Variants in ATE1 observed in about 807,000 individuals in gnomAD.
ATE1 encodes the protein arginyl-tRNA--protein transferase 1.
A neutral mutation model predicts 70.5 loss-of-function variants in ATE1; 36 were observed. The ratio of observed to expected loss-of-function variants is 0.51; its 90% confidence interval spans 0.39 to 0.67. ATE1 has a LOEUF of 0.67. Ranked by LOEUF, ATE1 falls within the 30% of genes least tolerant of loss-of-function variation. The probability of loss-of-function intolerance (pLI) is 0.00; values close to 1 mark genes in which losing one functional copy is unlikely to be tolerated. For synonymous variants in ATE1, 232 were observed against 219.3 expected (o/e 1.06, Z -0.51); for missense variants, 593 against 629.5 (o/e 0.94, Z 0.62).
intron 11 of ATE1, among the ~76,000 whole-genome samples, chr10:121,750,865 A>C (rs1032524737): frequency 6.6e-6 from 1 of 152,256 alleles, no homozygotes; most frequent in Non-Finnish European, 1.5e-5. Context: ...AATGAATGAC[A>C]GCGGAAGAAA....
chr10:121,745,034 A>C (rs1280291829), intron 11 of ATE1, among the ~76,000 whole-genome samples: 1 of 152,202 alleles, frequency 6.6e-6, no homozygotes, highest in Non-Finnish European at 1.5e-5. Context: ...CAAAAGCTAG[A>C]AGGGACCTGG....
intron 11 of ATE1, among the ~76,000 whole-genome samples, chr10:121,788,118 G>T (rs1946288156): frequency 6.6e-6 from 1 of 152,142 alleles, no homozygotes; most frequent in African/African-American, 2.4e-5. Flanking sequence ...CCCTAAAAAA[G>T]CTAGAGGGGA....
chr10:121,852,993 C>T (rs868601063), intron 8 of ATE1, among the ~76,000 whole-genome samples: 110 of 151,948 alleles, frequency 7.2e-4, no homozygotes, highest in African/African-American at 2.5e-3. Flanking sequence ...ATCAATGGAG[C>T]GATTATGAGT....
chr10:121,838,810 T>C lies in ATE1; in HGVS notation c.1158-1993A>G, dbSNP rs182574206. On this transcript the variant is annotated intron_variant, in intron 9 of 11. Transcript: ENST00000224652. ...TGATCCCCAATTCAAACAATTCTTA[T>C]ATCTACAGGCTATGGATAAGCAGAG... Among the ~76,000 whole-genome samples the C allele has an allele frequency of 3.1e-4, 47 of 152,170 alleles. 1 individual carries two copies. In the East Asian group the frequency reaches 8.7e-3, roughly 28 times the overall value.
At chr10:121,744,922 C>A (rs943741412) in intron 11 of ATE1, among the ~76,000 whole-genome samples, 2 of 152,108 alleles carry the variant, frequency 1.3e-5, no homozygotes, top group African/African-American at 2.4e-5. Flanking sequence ...GATTTTCAAC[C>A]TTTCCTTCAT....
intron 7 of ATE1, among the ~76,000 whole-genome samples, chr10:121,894,132 C>A (rs2134230907): frequency 8.4e-6 from 1 of 118,572 alleles, no homozygotes; most frequent in South Asian, 2.8e-4. Context: ...AGCGAAACTC[C>A]ATCTCAAAAA....
intron 11 of ATE1, 126 bp from the exon 12 acceptor site, chr10:121,743,984 G>A (rs186010528): frequency 1.6e-5 from 17 of 1,043,784 alleles, no homozygotes; most frequent in Admixed American, 9.9e-5. Flanking sequence ...GTGCAGTGGC[G>A]CTGTCTCACC....
At chr10:121,859,206 G>A (rs1410029412) in intron 8 of ATE1, among the ~76,000 whole-genome samples, 3 of 151,940 alleles carry the variant, frequency 2.0e-5, no homozygotes, top group Non-Finnish European at 4.4e-5. Flanking sequence ...ACTTCTCAAT[G>A]AGCTATCTCC....
chr10:121,845,762 A>G (rs1948794776), intron 8 of ATE1, among the ~76,000 whole-genome samples: 1 of 152,358 alleles, frequency 6.6e-6, no homozygotes, highest in East Asian at 1.9e-4. Flanking sequence ...TAAGCAAGGG[A>G]AAAAAGGTAG....
intron 7 of ATE1, among the ~76,000 whole-genome samples, chr10:121,889,471 G>A (rs922582112): frequency 1.3e-5 from 2 of 152,196 alleles, no homozygotes; most frequent in East Asian, 1.9e-4. Context: ...TGTGTGAACC[G>A]TGACTGGATC....
chr10:121,900,202 C>G (rs1391577575), intron 6 of ATE1, among the ~76,000 whole-genome samples: 1 of 151,978 alleles, frequency 6.6e-6, no homozygotes, highest in Non-Finnish European at 1.5e-5. Flanking sequence ...GAGGACGATC[C>G]CCTCTAAACT....
intron 5 of ATE1, among the ~76,000 whole-genome samples, chr10:121,904,903 C>T (rs976117726): frequency 1.3e-5 from 2 of 152,120 alleles, no homozygotes; most frequent in Non-Finnish European, 2.9e-5. Flanking sequence ...ATAAAGTTTA[C>T]TTATTAAAAA....
intron 11 of ATE1, among the ~76,000 whole-genome samples, chr10:121,784,628 C>T (rs971438238): frequency 1.2e-4 from 18 of 152,098 alleles, no homozygotes; most frequent in Non-Finnish European, 2.5e-4. Flanking sequence ...GAGGCAGAGG[C>T]GGGTGGATCG....
chr10:121,789,067 A>G (rs1206014344), intron 11 of ATE1, among the ~76,000 whole-genome samples: 2 of 152,234 alleles, frequency 1.3e-5, no homozygotes, highest in Non-Finnish European at 2.9e-5. Flanking sequence ...TATAGGATGC[A>G]GCATTCTAAT....
intron 8 of ATE1, 85 bp downstream of exon 8, chr10:121,869,921 A>G (rs1221990667): frequency 7.5e-7 from 1 of 1,338,508 alleles, no homozygotes; most frequent in African/African-American, 1.4e-5. Context: ...GCACTCCTAA[A>G]TTATCAAATA....
At chr10:121,788,584 A>T (rs1946305942) in intron 11 of ATE1, among the ~76,000 whole-genome samples, 1 of 152,240 alleles carries the variant, frequency 6.6e-6, no homozygotes, top group Non-Finnish European at 1.5e-5. Context: ...GAACTGAAGA[A>T]GTTACTGCGT....
rs911343065 is a variant in ATE1, at chr10:121,762,525, C to T, written c.1379-18667G>A. On this transcript the variant is annotated intron_variant, in intron 11 of 11. Coordinates refer to ENST00000224652, the MANE Select transcript of ATE1 (RefSeq NM_001001976.3). ...ACTGTGTGGCATCTGCCCACCCCCA[C>T]CCCTGTGTCTGTGTGGATTTTCTCA... 3.3e-5 allele frequency among the ~76,000 whole-genome samples: 5 copies of T among 152,318 alleles called. No homozygotes were observed. The South Asian group carries it at 6.2e-4, about 19-fold the overall frequency.
intron 10 of ATE1, among the ~76,000 whole-genome samples, chr10:121,791,227 G>A (rs1433241654): frequency 1.3e-5 from 2 of 151,630 alleles, no homozygotes; most frequent in African/African-American, 2.4e-5. Context: ...CCAAGTAGCT[G>A]GGGTTACTGG....
At chr10:121,753,213 A>G (rs1392549767) in intron 11 of ATE1, among the ~76,000 whole-genome samples, 2 of 152,184 alleles carry the variant, frequency 1.3e-5, no homozygotes, top group African/African-American at 4.8e-5. Context: ...AGTTCTTTAC[A>G]TTCTTTAGGA....
Sources: gnomAD v4.1 joint callset for allele counts (sites outside exome capture counted in the v4.1 genomes callset) on GRCh38, gnomAD v4.1.1 for gene constraint, MANE v1.5 for transcripts, NCBI Gene and HGNC (gene_info 2026-07-23, HGNC 2026-07-21) for gene names.